Variants in SLC4A4 observed in about 807,000 individuals in gnomAD.
SLC4A4 encodes the protein electrogenic sodium bicarbonate cotransporter 1.
A neutral mutation model predicts 111.5 loss-of-function variants in SLC4A4; 27 were observed. The ratio of observed to expected loss-of-function variants is 0.24; its 90% CI spans 0.18 to 0.33. SLC4A4 has a LOEUF of 0.33. SLC4A4 is among the 10% of genes least tolerant of loss of function. The probability of loss-of-function intolerance (pLI) is 1.00; values close to 1 mark genes in which losing one functional copy is unlikely to be tolerated. For synonymous variants in SLC4A4, 443 were observed against 463.4 expected, an observed-to-expected ratio of 0.96 and a Z score of 0.57; for missense variants, 909 against 1,315.5, an observed-to-expected ratio of 0.69 and a Z score of 4.78.
In SLC4A4 at chr4:71,088,428, T is replaced by C. The variant is rs111609932; in HGVS notation, c.-64-4302T>C. 3.9e-3 allele frequency among the ~76,000 whole-genome samples: 593 copies of C among 152,194 alleles called. 9 individuals are homozygous for C. The highest frequency in any genetic ancestry group is 0.014 in the African/African-American group (566 of 41,448). ...CATTTAAGGTTAATATTGTTATGTG[T>C]GAATTGGATCCTGTCATCATGATGT... On this transcript the variant is annotated intron_variant, in intron 1 of 26. Coordinates refer to the SLC4A4 transcript ENST00000649996.
chr4:71,511,860 A>G (rs1234838691), intron 16 of SLC4A4, among the ~76,000 whole-genome samples: 2 of 152,150 alleles, frequency 1.3e-5, no homozygotes, highest in Non-Finnish European at 2.9e-5. Context: ...GAGTGATAAC[A>G]TGCACTATAT....
chr4:71,114,105 G>A (rs1323140082), intron 2 of SLC4A4, among the ~76,000 whole-genome samples: 7 of 152,252 alleles, frequency 4.6e-5, no homozygotes, highest in African/African-American at 1.7e-4. Context: ...AAATTAGCCG[G>A]GCGTGGTGGC....
chr4:71,362,586 T>C (rs1165077285), intron 6 of SLC4A4, among the ~76,000 whole-genome samples: 1 of 152,244 alleles, frequency 6.6e-6, no homozygotes, highest in Non-Finnish European at 1.5e-5. Context: ...CTAGCAGATA[T>C]AGTGCTGATT....
chr4:71,439,390 T>C (rs1184092286), intron 7 of SLC4A4, among the ~76,000 whole-genome samples: 2 of 117,278 alleles, frequency 1.7e-5, no homozygotes, highest in South Asian at 2.9e-4. Flanking sequence ...ATCGCGCCAC[T>C]GCACCACTGC....
At chr4:71,092,920 C>A (rs1742427228) in intron 2 of SLC4A4, among the ~76,000 whole-genome samples, 2 of 151,956 alleles carry the variant, frequency 1.3e-5, no homozygotes, top group Non-Finnish European at 2.9e-5. Flanking sequence ...CATGGTGAAA[C>A]CCCATCTCTA....
chr4:71,442,270 C>CT (rs1724799552), intron 8 of SLC4A4, among the ~76,000 whole-genome samples: 1 of 152,122 alleles, frequency 6.6e-6, no homozygotes, highest in Non-Finnish European at 1.5e-5. Context: ...GGCTCACTAA[C>CT]TTTTTTCTTT....
At chr4:71,378,653 A>T (rs1717774762) in intron 6 of SLC4A4, among the ~76,000 whole-genome samples, 3 of 152,230 alleles carry the variant, frequency 2.0e-5, no homozygotes, top group Admixed American at 2.0e-4. Flanking sequence ...CAGAAGGAAA[A>T]GCAAATGCAG....
At chr4:71,339,206 T>TAGA (rs1228069189) in intron 3 of SLC4A4, 164 bp from the exon 4 acceptor site, 22 of 1,613,992 alleles carry the variant, frequency 1.4e-5, no homozygotes, top group African/African-American at 2.7e-5. Flanking sequence ...CTTTGATTTC[T>TAGA]TTTTGGCTTT....
intron 2 of SLC4A4, among the ~76,000 whole-genome samples, chr4:71,140,435 CA>C (rs148337136): frequency 0.015 from 2,277 of 152,256 alleles, 68 homozygotes; most frequent in African/African-American, 0.052. Context: ...ACAAAACAAA[CA>C]AACAAAACCT....
rs1332072494 is a variant in SLC4A4, at chr4:71,236,633, TGAA to T, written c.65_67del (p.Glu22del). The T allele has an allele frequency of 7.4e-6, 12 of 1,613,882 alleles. No homozygotes were observed. Among genetic ancestry groups the T allele is most frequent in the East Asian group, 4.5e-5 (2 of 44,868 alleles). On this transcript the variant is annotated inframe_deletion, in exon 2 of 26. Coordinates refer to ENST00000264485, the MANE Select transcript of SLC4A4 (RefSeq NM_001098484.3). ...CTTCCTTCCTCAAGCATGTGTGTGATGAAGAAGAAGTAGAAGGTGAGCTTTATG... is the reference window on the plus strand; with the variant it reads ...CTTCCTTCCTCAAGCATGTGTGTGATGAAGAAGTAGAAGGTGAGCTTTATG...
At chr4:71,552,341 A>G (rs928900792) in intron 20 of SLC4A4, among the ~76,000 whole-genome samples, 2 of 151,718 alleles carry the variant, frequency 1.3e-5, no homozygotes, top group African/African-American at 4.8e-5. Context: ...TGGATTGTAC[A>G]TTCACATGTA....
intron 3 of SLC4A4, among the ~76,000 whole-genome samples, chr4:71,307,402 A>T (rs1037475344): frequency 6.6e-6 from 1 of 152,216 alleles, no homozygotes; most frequent in African/African-American, 2.4e-5. Context: ...TGGAAAACAC[A>T]GGTGTTGTCT....
chr4:71,172,560 A>G (rs1487897015), intron 2 of SLC4A4, among the ~76,000 whole-genome samples: 1 of 152,228 alleles, frequency 6.6e-6, no homozygotes, highest in Non-Finnish European at 1.5e-5. Context: ...GGCCTAGCAC[A>G]GATATTTTCT....
chr4:71,502,803 G>T (rs558301631), intron 16 of SLC4A4, among the ~76,000 whole-genome samples: 1 of 152,282 alleles, frequency 6.6e-6, no homozygotes, highest in South Asian at 2.1e-4. Flanking sequence ...TGTGTATTCT[G>T]TAGCAGTTGG....
intron 7 of SLC4A4, among the ~76,000 whole-genome samples, chr4:71,438,961 G>A (rs187448760): frequency 1.3e-5 from 2 of 150,924 alleles, no homozygotes; most frequent in African/African-American, 4.9e-5. Context: ...TTAATATTTG[G>A]TATCAGGATG....
At chr4:71,460,231 C>G (rs1208541057) in intron 12 of SLC4A4, among the ~76,000 whole-genome samples, 2 of 151,796 alleles carry the variant, frequency 1.3e-5, no homozygotes, top group Non-Finnish European at 2.9e-5. Flanking sequence ...TTTTCCCTAC[C>G]CCAAGATAAA....
intron 2 of SLC4A4, among the ~76,000 whole-genome samples, chr4:71,168,744 T>A (rs929750524): frequency 3.9e-4 from 59 of 152,272 alleles, no homozygotes; most frequent in African/African-American, 1.4e-3. Context: ...TCACTTCACA[T>A]AATGACCTCC....
chr4:71,420,622 C>T (rs1173941909), intron 7 of SLC4A4, among the ~76,000 whole-genome samples: 1 of 152,222 alleles, frequency 6.6e-6, no homozygotes, highest in Admixed American at 6.5e-5. Flanking sequence ...GCCCATCAGA[C>T]TAACAGCGGA....
intron 12 of SLC4A4, among the ~76,000 whole-genome samples, chr4:71,458,717 G>A (rs1330131156): frequency 1.3e-5 from 2 of 151,958 alleles, no homozygotes; most frequent in Non-Finnish European, 2.9e-5. Context: ...TTATTTACAT[G>A]TGATGTTCCT....
Sources: gnomAD v4.1 joint callset for allele counts (sites outside exome capture counted in the v4.1 genomes callset) on GRCh38, gnomAD v4.1.1 for gene constraint, MANE v1.5 for transcripts, NCBI Gene and HGNC (gene_info 2026-07-23, HGNC 2026-07-21) for gene names.